Variants in PUS7L observed in about 807,000 individuals in gnomAD.
PUS7L encodes pseudouridylate synthase PUS7L.
In PUS7L, 49 loss-of-function variants were observed where a neutral mutation model predicts 51.1. The observed-to-expected ratio is 0.96, with a 90% CI of 0.76 to 1.22. The LOEUF (loss-of-function observed/expected upper bound fraction) is 1.22. Ranked by LOEUF, PUS7L falls within the 50% of genes most tolerant of loss-of-function variation. PUS7L has a pLI of 0.00. For synonymous variants in PUS7L, 277 were observed against 276.2 expected (o/e 1.00, Z -0.03); for missense variants, 828 against 820.6 (o/e 1.01, Z -0.11).
intron 3 of PUS7L, among the ~76,000 whole-genome samples, chr12:43,747,869 A>G (rs2137730551): frequency 6.6e-6 from 1 of 151,384 alleles, no homozygotes; most frequent in South Asian, 2.1e-4. Flanking sequence ...GCTCACTGCA[A>G]CTCCCACCTC....
At position 43,754,913 on chromosome 12, in the gene PUS7L, G is replaced by A. The variant is rs765288836; in HGVS notation, c.333C>T (p.Ile111=). ...CTTCACATTTGGAAGTTCCATCAAC[G>A]ATAGTATCTTCCTTTTCTGAACCAG... The part of the protein sequence containing the change: ...HQSGSEKEDT[I]VDGTSKCEEK... The change falls in exon 2 of 9, where the codon ATC becomes ATT. Residue 111 remains isoleucine, a synonymous_variant. Coordinates refer to ENST00000344862, the MANE Select transcript of PUS7L (RefSeq NM_031292.5). The A allele has an allele frequency of 7.4e-6, 12 of 1,613,576 alleles. No individual in the cohort carries two copies. Among genetic ancestry groups the A allele is most frequent in the Admixed American group, 6.7e-5 (4 of 59,984 alleles).
rs1003711022 is a variant in PUS7L, at chr12:43,755,105, A to C, written c.141T>G (p.Asn47Lys). The C allele has an allele frequency of 1.9e-5, 30 of 1,613,572 alleles. No individual in the cohort carries two copies. Among genetic ancestry groups the C allele is most frequent in the Non-Finnish European group, 2.3e-5 (27 of 1,179,776 alleles). Residue 47 changes from asparagine to lysine, a missense_variant, in exon 2 of 9, where the codon AAT becomes AAG. Physicochemically the swap from Asn to Lys is moderately conservative, Grantham distance 94. Transcript: ENST00000344862. ...TGAAAATAGGCTCATCGATGGTCTT[A>C]TTAACTAACTGTCCCTGTTCATCAA... ...IEIDEQGQLV[N>K]KTIDEPIFKI...
chr12:43,743,230 C>T (rs113499573), intron 4 of PUS7L, among the ~76,000 whole-genome samples: 4 of 152,098 alleles, frequency 2.6e-5, no homozygotes, highest in East Asian at 1.9e-4. Flanking sequence ...AACATACTAC[C>T]GCAACCATTA....
At position 43,730,367 on chromosome 12, in the gene PUS7L, G is replaced by T. The variant is rs750940682; in HGVS notation, c.*9C>A. 1.9e-6 allele frequency: 3 copies of T among 1,604,316 alleles called. No individual in the cohort carries two copies. The highest frequency in any genetic ancestry group is 2.6e-6 in the Non-Finnish European group (3 of 1,172,018). On this transcript the variant is annotated 3_prime_UTR_variant, in exon 9 of 9. Transcript: ENST00000344862. ...TGACATATATATGGTTATACCAAGG[G>T]TATCAGTTTTAAACGTCATGCTTCA...
Position 43,742,461 on chromosome 12 carries a change from T to A in PUS7L, c.1358A>T (p.Glu453Val), listed in dbSNP as rs758481936. The A allele has an allele frequency of 1.6e-5, 26 of 1,604,512 alleles. No individual in the cohort carries two copies. The East Asian group carries it at 4.7e-4, about 29-fold the overall frequency. The change falls in exon 5 of 9, where the codon GAA becomes GTA. Residue 453 changes from glutamate (E) to valine (V), a missense_variant. By Grantham distance (121) the Glu-to-Val change is moderately radical. Transcript: ENST00000344862. ...TACATTTTTCAAAATCCATACCATT[T>A]CATTCTTCAGCAAAGCTAGTCCAAT... The part of the protein sequence containing the change: ...DQIGLALLKN[E>V]MMKAIKLFLT...
In PUS7L at chr12:43,736,469, C is replaced by T; in HGVS notation, c.1637G>A (p.Arg546Lys). The change falls in exon 7 of 9, where the codon AGA (arginine) becomes AAA (lysine). Residue 546 changes from arginine (R) to lysine (K), a missense_variant. Coordinates refer to ENST00000344862, the MANE Select transcript of PUS7L (RefSeq NM_031292.5). ...TACTCTTGCTCCATAGGTTTCAAGT[C>T]TGTAAGATACTGCCTCATTCCAAAT... ...SKIWNEAVSY[R>K]LETYGARVVQ... 1.2e-6 allele frequency: 2 copies of T among 1,614,194 alleles called. No homozygotes were observed. Among genetic ancestry groups the T allele is most frequent in the South Asian group, 1.1e-5 (1 of 91,088 alleles).
intron 7 of PUS7L, among the ~76,000 whole-genome samples, chr12:43,733,800 A>G (rs1396061489): frequency 7.1e-6 from 1 of 140,538 alleles, no homozygotes. Context: ...AGGTAAAATA[A>G]AACTTAAATG....
Position 43,723,037 on chromosome 12 carries a change from ATTGGTAGTTGAGT to A in PUS7L, c.*7326_*7338del, listed in dbSNP as rs2137641892. ...CTTGCAACAGGAGTTTTATTTCTAC[ATTGGTAGTTGAGT>A]TTCTAACAAAAAAGACAATTTAATA... is the stretch of plus-strand genomic sequence containing the variant. On this transcript the variant is annotated 3_prime_UTR_variant, in exon 9 of 9. Coordinates refer to ENST00000344862, the MANE Select transcript of PUS7L (RefSeq NM_031292.5). 1 of 152,212 alleles carries A rather than the reference ATTGGTAGTTGAGT, an allele frequency of 6.6e-6. No homozygotes were observed. Among genetic ancestry groups the A allele is most frequent in the South Asian group, 2.1e-4 (1 of 4,824 alleles). The allele number at this position is 152,212 out of a possible 1,614,324, so 9.4% of individuals were successfully genotyped here. A position where few individuals can be genotyped will look rare whatever the true frequency, so the allele number is the denominator to read the frequency against.
chr12:43,732,439 T>C (rs1944579687), intron 7 of PUS7L, among the ~76,000 whole-genome samples: 1 of 151,562 alleles, frequency 6.6e-6, no homozygotes, highest in African/African-American at 2.4e-5. Context: ...AGAGCAAGAC[T>C]CTGTCTTTAA....
At position 43,749,891 on chromosome 12, in the gene PUS7L, A is replaced by G. The variant is rs186007545; in HGVS notation, c.911-1282T>C. Among the ~76,000 whole-genome samples the G allele has an allele frequency of 1.3e-3, 196 of 152,232 alleles. 1 individual carries two copies. Among genetic ancestry groups the G allele is most frequent in the Middle Eastern group, 6.8e-3 (2 of 294 alleles). ...GGAAACAATAGACACTGGGGTCTAT[A>G]AGAGGTAGGAGGGAGGAAGGGCATA... On this transcript the variant is annotated intron_variant, in intron 2 of 8. Transcript: ENST00000344862.
At chr12:43,748,081 G>A (rs1394637451) in intron 3 of PUS7L, among the ~76,000 whole-genome samples, 3 of 152,162 alleles carry the variant, frequency 2.0e-5, no homozygotes, top group Non-Finnish European at 4.4e-5. Flanking sequence ...AAGCCACCGT[G>A]CCCAGCCTAT....
chr12:43,737,614 A>G (rs1937673996), intron 6 of PUS7L, among the ~76,000 whole-genome samples: 1 of 151,174 alleles, frequency 6.6e-6, no homozygotes, highest in South Asian at 2.1e-4. Context: ...AAATAAAGGT[A>G]ATATTTATCT....
In PUS7L at chr12:43,724,311, T is replaced by G. The variant is rs1242919251; in HGVS notation, c.*6065A>C. ...CTACTACTACAAAAAAAAAAACCTC[T>G]AAAAATATGAATTGTAATTACTTTA... is the stretch of plus-strand genomic sequence containing the variant. On this transcript the variant is annotated 3_prime_UTR_variant, in exon 9 of 9. Transcript: ENST00000344862. 2 of 151,820 alleles carry G rather than the reference T, an allele frequency of 1.3e-5. No homozygotes were observed. Among genetic ancestry groups the G allele is most frequent in the Non-Finnish European group, 2.9e-5 (2 of 67,864 alleles). The allele number at this position is 151,820 out of a possible 1,614,324, so 9.4% of individuals were successfully genotyped here.
Position 43,754,411 on chromosome 12 carries a change from T to C in PUS7L, c.835A>G (p.Arg279Gly), listed in dbSNP as rs1262919837. 1.2e-6 allele frequency: 2 copies of C among 1,613,238 alleles called. No homozygotes were observed. Among genetic ancestry groups the C allele is most frequent in the Admixed American group, 1.7e-5 (1 of 59,858 alleles). ...AGNPNVVVTV[R>G]FREKAHKRGK... Reference sequence around the variant, plus strand: ...CGTTTGTGTGCTTTTTCCCGAAATCTTACTGTTACCACCACATTCGGATTA... The same window carrying C: ...CGTTTGTGTGCTTTTTCCCGAAATCCTACTGTTACCACCACATTCGGATTA... The change falls in exon 2 of 9, where the codon AGA (arginine) becomes GGA (glycine). Residue 279 changes from arginine to glycine, a missense_variant. Transcript: ENST00000344862.
chr12:43,754,477 CA>C lies in PUS7L; in HGVS notation c.768del (p.Val257TrpfsTer9), dbSNP rs779959348. 3.5e-5 allele frequency: 56 copies of C among 1,613,838 alleles called. No homozygotes were observed. The highest frequency in any genetic ancestry group is 4.7e-5 in the Non-Finnish European group (56 of 1,179,862). On this transcript the variant is annotated frameshift_variant, in exon 2 of 9. Transcript: ENST00000344862. LOFTEE classifies it high-confidence loss of function. The part of the protein sequence containing the change: ...HHFVNKKFGN[L>X]VETKSFSKMN... ...ATTTTAGAAAAAGATTTGGTTTCCACAAGGTTTCCAAACTTTTTGTTGACAA... is the reference window on the plus strand; with the variant it reads ...ATTTTAGAAAAAGATTTGGTTTCCACAGGTTTCCAAACTTTTTGTTGACAA...
chr12:43,736,549 C>A lies in PUS7L; in HGVS notation c.1557G>T (p.Trp519Cys), dbSNP rs185439355. Residue 519 changes from tryptophan to cysteine, a missense_variant, in exon 7 of 9, where the codon TGG (tryptophan) becomes TGT (cysteine). Physicochemically the swap from Trp to Cys is radical, Grantham distance 215. Coordinates refer to ENST00000344862, the MANE Select transcript of PUS7L (RefSeq NM_031292.5). ...GMTEEGCIQA[W>C]FSLPHSMRIF... is the part of the protein sequence containing the mutation. ...TGCGCATGGAATGGGGTAAAGAGAA[C>A]CATGCCTGGATACAACCTTCCTCGG... 1.9e-5 allele frequency: 30 copies of A among 1,613,996 alleles called. No homozygotes were observed. In the East Asian group the frequency reaches 5.6e-4, roughly 30 times the overall value.
rs553022741 is a variant in PUS7L at position 43,721,068 on chromosome 12, T to C, written c.*9308A>G. 1.6e-4 allele frequency: 24 copies of C among 152,294 alleles called. No individual in the cohort carries two copies. The highest frequency in any genetic ancestry group is 5.3e-4 in the African/African-American group (22 of 41,548). 9.4% of individuals were successfully genotyped at this position (152,294 alleles called of 1,614,324 possible). A position where few individuals can be genotyped will look rare whatever the true frequency, so the allele number is the denominator to read the frequency against. On this transcript the variant is annotated 3_prime_UTR_variant, in exon 9 of 9. Transcript: ENST00000344862. ...ACTTAAAGTGAATTTTCCCCAACTT[T>C]CCTTAATGTCATAAAGTTTTAGAAA... is the stretch of plus-strand genomic sequence containing the variant.
intron 4 of PUS7L, among the ~76,000 whole-genome samples, chr12:43,744,048 A>G (rs1257531577): frequency 6.6e-6 from 1 of 152,182 alleles, no homozygotes; most frequent in African/African-American, 2.4e-5. Flanking sequence ...GATTGTTTCT[A>G]ATGGGAATTT....
intron 7 of PUS7L, among the ~76,000 whole-genome samples, chr12:43,735,302 G>A (rs1441455511): frequency 6.6e-6 from 1 of 151,404 alleles, no homozygotes; most frequent in Non-Finnish European, 1.5e-5. Context: ...GGGCGACAGA[G>A]CGAGACTCTG....
Sources: gnomAD v4.1 joint callset for allele counts (sites outside exome capture counted in the v4.1 genomes callset) on GRCh38, gnomAD v4.1.1 for gene constraint, MANE v1.5 for transcripts, NCBI Gene and HGNC (gene_info 2026-07-23, HGNC 2026-07-21) for gene names.